Variants in RARB observed in about 807,000 individuals in gnomAD.
RARB encodes HBV-activated protein.
A neutral mutation model predicts 51.9 loss-of-function variants in RARB; 17 were observed. The ratio of observed to expected loss-of-function variants is 0.33; its 90% CI spans 0.22 to 0.49. The LOEUF (loss-of-function observed/expected upper bound fraction) is 0.49, where lower values mean the gene tolerates loss of function less well. Ranked by LOEUF, RARB falls within the 20% of genes least tolerant of loss-of-function variation. The probability of loss-of-function intolerance (pLI) is 0.99; values close to 1 mark genes in which losing one functional copy is unlikely to be tolerated. For missense variants in RARB, 369 were observed against 550.8 expected (o/e 0.67, Z 3.30); for synonymous variants, 215 against 195.4 (o/e 1.10, Z -0.84).
At chr3:25,064,789 A>G (rs1698627930) in intron 3 of RARB, among the ~76,000 whole-genome samples, 1 of 152,164 alleles carries the variant, frequency 6.6e-6, no homozygotes, top group African/African-American at 2.4e-5. Flanking sequence ...TTCCAGACTA[A>G]TCCCATATGG....
At chr3:25,518,569 C>A (rs530540955) in intron 3 of RARB, among the ~76,000 whole-genome samples, 28 of 152,134 alleles carry the variant, frequency 1.8e-4, no homozygotes, top group African/African-American at 6.7e-4. Flanking sequence ...ATCCTTATGA[C>A]CTTAGACCCA....
intron 3 of RARB, among the ~76,000 whole-genome samples, chr3:25,107,848 G>A (rs1230878428): frequency 6.6e-6 from 1 of 152,104 alleles, no homozygotes; most frequent in East Asian, 1.9e-4. Flanking sequence ...TGTTCTTACT[G>A]TAGATCTTAG....
intron 5 of RARB, among the ~76,000 whole-genome samples, chr3:25,369,557 C>A (rs1046719432): frequency 6.6e-6 from 1 of 152,186 alleles, no homozygotes; most frequent in Non-Finnish European, 1.5e-5. Flanking sequence ...ATACCTATTC[C>A]AGAGATTTCA....
chr3:25,199,699 G>C (rs1279232222), intron 5 of RARB, among the ~76,000 whole-genome samples: 1 of 152,074 alleles, frequency 6.6e-6, no homozygotes, highest in Non-Finnish European at 1.5e-5. Context: ...TGCAGTGTTT[G>C]GTTTCTTGAC....
intron 4 of RARB, among the ~76,000 whole-genome samples, chr3:25,142,984 A>G (rs545052341): frequency 6.6e-6 from 1 of 152,370 alleles, no homozygotes; most frequent in Admixed American, 6.5e-5. Context: ...CAGTAGTGAT[A>G]GGAATTTTCT....
chr3:25,392,568 A>T (rs1351433611), intron 5 of RARB, among the ~76,000 whole-genome samples: 1 of 152,076 alleles, frequency 6.6e-6, no homozygotes, highest in Non-Finnish European at 1.5e-5. Context: ...GATTTCTTTC[A>T]GCAGTGTTTT....
chr3:25,368,458 C>T (rs1466424419), intron 5 of RARB, among the ~76,000 whole-genome samples: 1 of 152,134 alleles, frequency 6.6e-6, no homozygotes, highest in Non-Finnish European at 1.5e-5. Flanking sequence ...CATTTATACA[C>T]AAGCAGGCAA....
chr3:25,377,782 G>A (rs772513294), intron 5 of RARB, among the ~76,000 whole-genome samples: 1 of 152,164 alleles, frequency 6.6e-6, no homozygotes, highest in Non-Finnish European at 1.5e-5. Context: ...GAACCCAAAT[G>A]TTAGAGCAGG....
intron 2 of RARB, among the ~76,000 whole-genome samples, chr3:24,863,549 A>G (rs183940238): frequency 2.6e-5 from 4 of 152,238 alleles, no homozygotes; most frequent in Admixed American, 2.0e-4. Context: ...AACCTGGATT[A>G]GGGGAAGGAA....
At chr3:25,281,725 G>A (rs993185646) in intron 5 of RARB, among the ~76,000 whole-genome samples, 10 of 152,122 alleles carry the variant, frequency 6.6e-5, no homozygotes, top group Admixed American at 4.6e-4. Context: ...TTAATGACTG[G>A]GAGTTGATGT....
chr3:25,284,256 G>C (rs1467281860), intron 5 of RARB, among the ~76,000 whole-genome samples: 2 of 152,120 alleles, frequency 1.3e-5, no homozygotes, highest in African/African-American at 4.8e-5. Context: ...GCCTGTAGAT[G>C]ACTAAACCTA....
intron 2 of RARB, among the ~76,000 whole-genome samples, chr3:25,002,735 T>C (rs983119736): frequency 4.2e-5 from 5 of 120,238 alleles, no homozygotes; most frequent in African/African-American, 1.7e-4. Flanking sequence ...CATATGTATA[T>C]AAAAGACATA....
intron 5 of RARB, chr3:25,324,434 AC>A (rs1248050594): frequency 1.3e-5 from 2 of 158,074 alleles, no homozygotes; most frequent in African/African-American, 4.8e-5. Flanking sequence ...AAACTGTGAG[AC>A]AAAGGAGAGC....
intron 2 of RARB, among the ~76,000 whole-genome samples, chr3:24,933,186 A>C (rs1320333425): frequency 1.3e-5 from 2 of 152,098 alleles, no homozygotes; most frequent in East Asian, 3.9e-4. Flanking sequence ...ATCCTATAAA[A>C]ACATTCTTTC....
chr3:25,113,968 G>A (rs562056167), intron 3 of RARB, among the ~76,000 whole-genome samples: 18 of 152,250 alleles, frequency 1.2e-4, no homozygotes, highest in East Asian at 9.6e-4. Context: ...TAGATTTTAC[G>A]TTTGAAGGAG....
At position 25,594,508 on chromosome 3, in the gene RARB, C is replaced by T; in HGVS notation, c.992-12C>T. 3 of 1,591,664 alleles carry T rather than the reference C, an allele frequency of 1.9e-6. No individual in the cohort carries two copies. Among genetic ancestry groups the T allele is most frequent in the Non-Finnish European group, 2.6e-6 (3 of 1,172,430 alleles). On this transcript the variant is annotated splice_polypyrimidine_tract_variant and intron_variant, in intron 6 of 7. Coordinates refer to ENST00000330688, the MANE Select transcript of RARB (RefSeq NM_000965.5). ...TCCTGATTTTGTTTAATACTTTATT[C>T]CTGGTATCCAGACCGCCAGGACCTT...
intron 1 of RARB, among the ~76,000 whole-genome samples, chr3:24,840,307 C>T (rs1702403368): frequency 6.6e-6 from 1 of 152,136 alleles, no homozygotes; most frequent in Admixed American, 6.5e-5. Context: ...ATTTATCTGT[C>T]ACTTATTAAA....
At chr3:25,278,252 A>G (rs1703439876) in intron 5 of RARB, among the ~76,000 whole-genome samples, 1 of 152,204 alleles carries the variant, frequency 6.6e-6, no homozygotes, top group Non-Finnish European at 1.5e-5. Flanking sequence ...TGGGAAATGA[A>G]TGAATCTCAC....
chr3:25,105,053 A>G (rs1699473258), intron 3 of RARB, among the ~76,000 whole-genome samples: 1 of 152,244 alleles, frequency 6.6e-6, no homozygotes, highest in Non-Finnish European at 1.5e-5. Context: ...TAGTTTAATA[A>G]AAAGCATAAA....
Sources: allele counts gnomAD v4.1 joint callset (sites outside exome capture counted in the v4.1 genomes callset), GRCh38; gene constraint gnomAD v4.1.1; transcripts MANE v1.5; gene names NCBI Gene and HGNC (gene_info 2026-07-23, HGNC 2026-07-21).